The following SPATA45 variants were observed in gnomAD, a reference collection of about 807,000 sequenced individuals.
SPATA45 encodes spermatogenesis associated 45.
A neutral mutation model predicts 7.0 loss-of-function variants in SPATA45; 5 were observed. The ratio of observed to expected loss-of-function variants is 0.71; its 90% confidence interval spans 0.37 to 1.50. The LOEUF (loss-of-function observed/expected upper bound fraction) is 1.50, where lower values mean the gene tolerates loss of function less well. Among genes scored for constraint, SPATA45 ranks in the 40% most tolerant of loss-of-function variants. The pLI is 0.03. For synonymous variants in SPATA45, 40 were observed against 38.7 expected, an observed-to-expected ratio of 1.03 and a Z score of -0.13; for missense variants, 111 against 114.9, an observed-to-expected ratio of 0.97 and a Z score of 0.16.
chr1:212,831,960 T>C (rs1663497234), intron 2 of SPATA45, among the ~76,000 whole-genome samples: 1 of 150,668 alleles, frequency 6.6e-6, no homozygotes, highest in African/African-American at 2.4e-5. Flanking sequence ...CCTGCTGTTT[T>C]CTGTTTCCCC....
chr1:212,831,306 T>TA (rs1414362756), intron 2 of SPATA45, among the ~76,000 whole-genome samples: 3 of 150,426 alleles, frequency 2.0e-5, no homozygotes, highest in African/African-American at 7.3e-5. Flanking sequence ...CAGACTCTAT[T>TA]AAAAAAATAC....
At chr1:212,834,585 G>T (rs1175405911) in intron 2 of SPATA45, among the ~76,000 whole-genome samples, 2 of 151,220 alleles carry the variant, frequency 1.3e-5, no homozygotes, top group Non-Finnish European at 3.0e-5. Context: ...CAAGTAGCTG[G>T]GACTAAAGGT....
intron 1 of SPATA45, among the ~76,000 whole-genome samples, chr1:212,845,232 T>C (rs1354332897): frequency 6.6e-6 from 1 of 152,174 alleles, no homozygotes; most frequent in Non-Finnish European, 1.5e-5. Flanking sequence ...CAGTGTTCCA[T>C]CTACTATTCT....
At chr1:212,836,963 CA>C (rs1663597742) in intron 1 of SPATA45, among the ~76,000 whole-genome samples, 1 of 151,198 alleles carries the variant, frequency 6.6e-6, no homozygotes, top group Non-Finnish European at 1.5e-5. Context: ...GGCCACACCT[CA>C]CTTTTTATTA....
At chr1:212,841,308 C>T (rs558712186) in intron 1 of SPATA45, among the ~76,000 whole-genome samples, 1 of 151,956 alleles carries the variant, frequency 6.6e-6, no homozygotes, top group African/African-American at 2.4e-5. Flanking sequence ...ACCACAAGTG[C>T]GCACCACCAT....
chr1:212,842,551 G>A (rs1158897141), intron 1 of SPATA45, among the ~76,000 whole-genome samples: 1 of 152,182 alleles, frequency 6.6e-6, no homozygotes, highest in Non-Finnish European at 1.5e-5. Flanking sequence ...ATAGAGTCTA[G>A]TGGTACAAGC....
rs1287413977 is a variant in SPATA45, at chr1:212,835,907, A to C, written c.243T>G (p.Leu81=). The stretch of plus-strand genomic sequence containing the variant: ...GAAAGTGCTTTCTCTCCATGTGAGC[A>C]AGGAGACTCAGCTTGATCCAGGAGC... The part of the protein sequence containing the change: ...GRSSWIKLSL[L]AHMERKHFPP... The change falls in exon 2 of 3, where the codon CTT becomes CTG. Residue 81 remains leucine, a synonymous_variant. Transcript: ENST00000332912. The C allele has an allele frequency of 1.2e-6, 2 of 1,609,582 alleles. No homozygotes were observed. The highest frequency in any genetic ancestry group is 1.7e-6 in the Non-Finnish European group (2 of 1,177,202).
chr1:212,831,436 G>A (rs1384274808), intron 2 of SPATA45, among the ~76,000 whole-genome samples: 1 of 148,612 alleles, frequency 6.7e-6, no homozygotes, highest in Non-Finnish European at 1.5e-5. Flanking sequence ...TCACACCACT[G>A]CGCTCCAGCC....
intron 1 of SPATA45, among the ~76,000 whole-genome samples, chr1:212,847,139 C>T (rs1425224706): frequency 2.0e-5 from 3 of 152,188 alleles, no homozygotes; most frequent in Non-Finnish European, 4.4e-5. Context: ...GATCCTCCTG[C>T]TTCAGCCTCC....
intron 1 of SPATA45, among the ~76,000 whole-genome samples, chr1:212,836,527 C>T (rs561382485): frequency 1.1e-4 from 16 of 151,786 alleles, no homozygotes; most frequent in South Asian, 2.1e-4. Flanking sequence ...GATGGGGTTT[C>T]GCCATGCTGG....
At chr1:212,835,251 C>T (rs1663566324) in intron 2 of SPATA45, among the ~76,000 whole-genome samples, 1 of 151,610 alleles carries the variant, frequency 6.6e-6, no homozygotes, top group Non-Finnish European at 1.5e-5. Flanking sequence ...AGGCCGGGCA[C>T]GGTGGCTCAC....
Position 212,836,034 on chromosome 1 carries a change from T to A in SPATA45, c.116A>T (p.Asn39Ile), listed in dbSNP as rs1478997981. Residue 39 changes from asparagine to isoleucine, a missense_variant, in exon 2 of 3, where the codon AAT (asparagine) becomes ATT (isoleucine). Physicochemically the swap from Asn to Ile is moderately radical, Grantham distance 149. Coordinates refer to ENST00000332912, the MANE Select transcript of SPATA45 (RefSeq NM_001024601.3). ...RESNCLVERS[N>I]QVSLLRVQKR... ...TTGAACTCTCAGTAAGCTGACTTGA[T>A]TGCTTCGTTCCACCAAGCAGTTGGA... 1 of 1,611,302 alleles carries A rather than the reference T, an allele frequency of 6.2e-7. No homozygotes were observed. The highest frequency in any genetic ancestry group is 8.5e-7 in the Non-Finnish European group (1 of 1,177,928).
At chr1:212,839,311 C>T (rs1370300470) in intron 1 of SPATA45, among the ~76,000 whole-genome samples, 1 of 149,282 alleles carries the variant, frequency 6.7e-6, no homozygotes, top group African/African-American at 2.4e-5. Context: ...CGATTCCATG[C>T]ATATAAAACT....
At chr1:212,843,100 T>TACACACACAC (rs367648433) in intron 1 of SPATA45, among the ~76,000 whole-genome samples, 2,415 of 121,958 alleles carry the variant, frequency 0.02, 54 homozygotes, top group African/African-American at 0.03. Flanking sequence ...CCGTCAAACA[T>TACACACACAC]ACACACACAC....
intron 2 of SPATA45, among the ~76,000 whole-genome samples, chr1:212,833,483 AC>A (rs1223623368): frequency 7.7e-6 from 1 of 129,922 alleles, no homozygotes; most frequent in Non-Finnish European, 1.6e-5. Flanking sequence ...ACATGACGAA[AC>A]CCCATCTCTA....
chr1:212,834,026 G>C (rs1329040818), intron 2 of SPATA45, among the ~76,000 whole-genome samples: 1 of 151,674 alleles, frequency 6.6e-6, no homozygotes, highest in African/African-American at 2.4e-5. Flanking sequence ...TAGGATTATA[G>C]GCATGAGCCA....
rs1172858172 is a variant in SPATA45 at position 212,845,338 on chromosome 1, C to T, written c.-39+2242G>A. On this transcript the variant is annotated intron_variant, in intron 1 of 2. Transcript: ENST00000332912. ...AGGACTGGCAAATTGACTTTACTCA[C>T]ATGCCCCAAGTCAGGAAACTAAAAT... Among the ~76,000 whole-genome samples, 6 of 152,220 alleles carry T rather than the reference C, an allele frequency of 3.9e-5. No homozygotes were observed. In the East Asian group the frequency reaches 1.2e-3, roughly 29 times the overall value.
In SPATA45 at chr1:212,841,294, GACC is replaced by G. The variant is rs563484977; in HGVS notation, c.-38-5110_-38-5108del. Among the ~76,000 whole-genome samples the G allele has an allele frequency of 3.8e-3, 575 of 151,940 alleles. 5 individuals are homozygous for G. The highest frequency in any genetic ancestry group is 0.013 in the African/African-American group (551 of 41,430). On this transcript the variant is annotated intron_variant, in intron 1 of 2. Transcript: ENST00000332912. The stretch of plus-strand genomic sequence containing the variant: ...CAACCTCAGCCTCCTGAGTGGCTGG[GACC>G]ACCACAAGTGCGCACCACCATGCCC...
chr1:212,834,676 C>A (rs1429727062), intron 2 of SPATA45, among the ~76,000 whole-genome samples: 1 of 151,536 alleles, frequency 6.6e-6, no homozygotes, highest in Admixed American at 6.6e-5. Context: ...GTCTCAAACT[C>A]CTGACCTCAG....
Sources: gnomAD v4.1 joint callset for allele counts (sites outside exome capture counted in the v4.1 genomes callset) on GRCh38, gnomAD v4.1.1 for gene constraint, MANE v1.5 for transcripts, NCBI Gene and HGNC (gene_info 2026-07-23, HGNC 2026-07-21) for gene names.